The following GPD2 variants were observed in gnomAD, a reference collection of about 807,000 sequenced individuals.
The protein encoded by GPD2 is glycerol-3-phosphate dehydrogenase 2, also known as glycerol-3-phosphate dehydrogenase, mitochondrial.
A neutral mutation model predicts 82.4 loss-of-function variants in GPD2; 54 were observed. The observed-to-expected ratio is 0.66, with a 90% CI of 0.53 to 0.82. GPD2 has a LOEUF of 0.82. Ranked by LOEUF, GPD2 falls within the 40% of genes least tolerant of loss-of-function variation. The pLI, the probability that GPD2 is intolerant of heterozygous loss-of-function variation, is 0.00. For missense variants in GPD2, 748 were observed against 896.2 expected (o/e 0.83, Z 2.11); for synonymous variants, 288 against 306.1 (o/e 0.94, Z 0.62).
intron 6 of GPD2, among the ~76,000 whole-genome samples, chr2:156,539,448 A>G (rs1238735291): frequency 6.6e-6 from 1 of 152,160 alleles, no homozygotes; most frequent in Non-Finnish European, 1.5e-5. Context: ...CCTAGTACAC[A>G]TTCCTTTCAG....
At chr2:156,518,460 A>G (rs1256528376) in intron 6 of GPD2, among the ~76,000 whole-genome samples, 2 of 152,216 alleles carry the variant, frequency 1.3e-5, no homozygotes, top group Non-Finnish European at 2.9e-5. Flanking sequence ...AGTTAGCTGT[A>G]TGCTTTGGGG....
intron 1 of GPD2, among the ~76,000 whole-genome samples, chr2:156,451,121 C>A (rs945956891): frequency 3.6e-4 from 54 of 149,996 alleles, no homozygotes; most frequent in Admixed American, 6.6e-4. Context: ...CCTTTCCCCC[C>A]GTTCTATTCC....
intron 6 of GPD2, among the ~76,000 whole-genome samples, chr2:156,545,138 T>TCACA (rs894218758): frequency 2.0e-5 from 3 of 151,530 alleles, no homozygotes; most frequent in Non-Finnish European, 4.4e-5. Flanking sequence ...ACACACTCAT[T>TCACA]CACACACACA....
At chr2:156,465,988 C>T (rs558217934) in intron 1 of GPD2, among the ~76,000 whole-genome samples, 5 of 152,136 alleles carry the variant, frequency 3.3e-5, no homozygotes, top group Non-Finnish European at 7.4e-5. Flanking sequence ...TTGTTTAATT[C>T]TGTACTAGGC....
intron 16 of GPD2, among the ~76,000 whole-genome samples, chr2:156,581,572 G>T (rs1414139674): frequency 2.0e-5 from 3 of 151,906 alleles, no homozygotes; most frequent in Non-Finnish European, 4.4e-5. Context: ...GGTTTTTTTA[G>T]TTTTTTTAAA....
intron 8 of GPD2, among the ~76,000 whole-genome samples, chr2:156,556,057 C>CT (rs1050917561): frequency 6.6e-6 from 1 of 152,072 alleles, no homozygotes; most frequent in Admixed American, 6.6e-5. Context: ...CTATATGTTT[C>CT]TTTTTTTATA....
intron 3 of GPD2, among the ~76,000 whole-genome samples, chr2:156,508,709 G>A (rs570314766): frequency 5.0e-4 from 76 of 152,212 alleles, no homozygotes; most frequent in South Asian, 1.0e-3. Context: ...CAACTCCCTC[G>A]TCTGATCTTC....
intron 1 of GPD2, chr2:156,473,712 A>G (rs549414731): frequency 1.3e-5 from 2 of 152,364 alleles, no homozygotes; most frequent in South Asian, 2.1e-4. Flanking sequence ...TTGAGATAGC[A>G]TGCTATCTCT....
At chr2:156,529,736 A>T (rs1685770019) in intron 6 of GPD2, among the ~76,000 whole-genome samples, 1 of 151,020 alleles carries the variant, frequency 6.6e-6, no homozygotes, top group East Asian at 2.0e-4. Context: ...TTTGTCAAAG[A>T]TCAGATAGTT....
intron 1 of GPD2, among the ~76,000 whole-genome samples, chr2:156,471,188 G>C (rs1269110183): frequency 6.6e-6 from 1 of 152,168 alleles, no homozygotes; most frequent in African/African-American, 2.4e-5. Flanking sequence ...GTCTTGTCAT[G>C]CTGTCTAATT....
the GPD2 span, among the ~76,000 whole-genome samples, chr2:156,418,821 T>C: frequency 6.6e-6 from 1 of 152,236 alleles, no homozygotes; most frequent in East Asian, 1.9e-4. Context: ...AACAGATTAA[T>C]TTGTACATTG....
chr2:156,548,571 C>A (rs1686637515), intron 6 of GPD2, among the ~76,000 whole-genome samples: 1 of 152,212 alleles, frequency 6.6e-6, no homozygotes, highest in African/African-American at 2.4e-5. Flanking sequence ...TTAGCTGGAA[C>A]AGATTACTTC....
At chr2:156,548,734 T>C (rs1387832164) in intron 6 of GPD2, among the ~76,000 whole-genome samples, 1 of 152,166 alleles carries the variant, frequency 6.6e-6, no homozygotes, top group African/African-American at 2.4e-5. Context: ...ATAGAACTGA[T>C]CCCAATGTGT....
intron 16 of GPD2, 54 bp from the exon 17 acceptor site, chr2:156,582,739 A>G: frequency 6.3e-7 from 1 of 1,595,946 alleles, no homozygotes; most frequent in Non-Finnish European, 8.6e-7. Flanking sequence ...GATGCCATGA[A>G]GAAGAGAGTA....
At chr2:156,484,805 A>C (rs1192194101) in intron 2 of GPD2, among the ~76,000 whole-genome samples, 2 of 152,202 alleles carry the variant, frequency 1.3e-5, no homozygotes, top group Non-Finnish European at 2.9e-5. Context: ...GCACCACTGC[A>C]CTCCAGCCTG....
At chr2:156,473,031 A>G (rs919956871) in intron 1 of GPD2, among the ~76,000 whole-genome samples, 2 of 152,220 alleles carry the variant, frequency 1.3e-5, no homozygotes, top group Admixed American at 6.5e-5. Flanking sequence ...GGTGATTATT[A>G]TTGTAACATT....
At chr2:156,560,355 G>T (rs951707014) in intron 9 of GPD2, among the ~76,000 whole-genome samples, 1 of 152,128 alleles carries the variant, frequency 6.6e-6, no homozygotes, top group African/African-American at 2.4e-5. Context: ...TCAGCGAATT[G>T]GTGAAACTAA....
intron 1 of GPD2, among the ~76,000 whole-genome samples, chr2:156,446,612 G>T (rs1410388426): frequency 7.3e-5 from 11 of 151,210 alleles, no homozygotes; most frequent in African/African-American, 2.4e-4. Flanking sequence ...TCTGGCTCTG[G>T]CACCCAGGCT....
intron 1 of GPD2, among the ~76,000 whole-genome samples, chr2:156,465,218 A>T (rs551675822): frequency 5.1e-4 from 78 of 152,304 alleles, no homozygotes; most frequent in Admixed American, 2.1e-3. Context: ...GTTACTCTGT[A>T]AGGCTTTGTT....
Sources: gnomAD v4.1 joint callset for allele counts (sites outside exome capture counted in the v4.1 genomes callset) on GRCh38, gnomAD v4.1.1 for gene constraint, MANE v1.5 for transcripts, NCBI Gene and HGNC (gene_info 2026-07-23, HGNC 2026-07-21) for gene names.